DDX18: variants seen among roughly 807,000 people sequenced by gnomAD.
DDX18 encodes the protein ATP-dependent RNA helicase DDX18.
A neutral mutation model predicts 73.5 loss-of-function variants in DDX18; 23 were observed. That is an observed-to-expected ratio of 0.31 (90% CI 0.23 to 0.44). The LOEUF (loss-of-function observed/expected upper bound fraction) is 0.44, where lower values mean the gene tolerates loss of function less well. Among genes scored for constraint, DDX18 ranks in the 20% least tolerant of loss-of-function variants. The pLI is 1.00. For synonymous variants in DDX18, 268 were observed against 282.7 expected (o/e 0.95, Z 0.52); for missense variants, 753 against 792.9 (o/e 0.95, Z 0.60).
intron 1 of DDX18, among the ~76,000 whole-genome samples, chr2:117,815,443 C>T (rs1679741990): frequency 6.6e-6 from 1 of 152,132 alleles, no homozygotes; most frequent in African/African-American, 2.4e-5. Context: ...TGAATGTCAC[C>T]TTTCTTACCT....
chr2:117,824,649 C>T lies in DDX18; in HGVS notation c.1147C>T (p.Pro383Ser). ...GGCAAGGATTTCTCTGAAAAAGGAG[C>T]CATTGTATGTTGGCGTTGATGATGA... is the stretch of plus-strand genomic sequence containing the variant. Reference protein sequence around the residue: ...DLARISLKKEPLYVGVDDDKA... With the variant: ...DLARISLKKESLYVGVDDDKA... Residue 383 changes from proline to serine, a missense_variant, in exon 8 of 14, where the codon CCA becomes TCA. Pro to Ser is a moderately conservative substitution (Grantham distance 74, BLOSUM62 -1). Coordinates refer to ENST00000263239, the MANE Select transcript of DDX18 (RefSeq NM_006773.4). 2 of 1,493,248 alleles carry T rather than the reference C, an allele frequency of 1.3e-6. No homozygotes were observed. Among genetic ancestry groups the T allele is most frequent in the Non-Finnish European group, 1.8e-6 (2 of 1,123,720 alleles). The allele number at this position is 1,493,248 out of a possible 1,614,324, so 92.5% of individuals were successfully genotyped here. A position where few individuals can be genotyped will look rare whatever the true frequency, so the allele number is the denominator to read the frequency against.
At chr2:117,820,593 C>T (rs747669966) in intron 3 of DDX18, among the ~76,000 whole-genome samples, 1 of 152,180 alleles carries the variant, frequency 6.6e-6, no homozygotes. Flanking sequence ...TCAGCAATGC[C>T]AAGGTCAAGA....
Position 117,822,019 on chromosome 2 carries a change from C to T in DDX18, c.909C>T (p.Asn303=). 1 of 1,614,014 alleles carries T rather than the reference C, an allele frequency of 6.2e-7. No homozygotes were observed. The highest frequency in any genetic ancestry group is 8.5e-7 in the Non-Finnish European group (1 of 1,179,960). Residue 303 remains asparagine (N), a synonymous_variant, in exon 6 of 14, where the codon AAC becomes AAT. Transcript: ENST00000263239. ...CACAGAAACTTGGTAATGGGATCAACATCATTGTGGCCACACCAGGCCGTC... is the reference window on the plus strand; with the variant it reads ...CACAGAAACTTGGTAATGGGATCAATATCATTGTGGCCACACCAGGCCGTC... ...AEAQKLGNGI[N]IIVATPGRLL...
chr2:117,829,146 C>G (rs1679980043), intron 12 of DDX18, 141 bp downstream of exon 12: 1 of 1,134,846 alleles, frequency 8.8e-7, no homozygotes, highest in African/African-American at 1.6e-5. Context: ...TATAAGGTTT[C>G]TTGCTATTCT....
intron 10 of DDX18, 86 bp downstream of exon 10, chr2:117,825,685 C>T: frequency 6.7e-7 from 1 of 1,494,958 alleles, no homozygotes; most frequent in Non-Finnish European, 9.2e-7. Context: ...AAACTGCATT[C>T]CACATTCAAG....
rs1292389642 is a variant in DDX18 at position 117,824,940 on chromosome 2, G to A, written c.1207G>A (p.Gly403Arg). Reference protein sequence around the residue: ...ANATVDGLEQGYVVCPSEKRF... With the variant: ...ANATVDGLEQRYVVCPSEKRF... The stretch of plus-strand genomic sequence containing the variant: ...ATCTGTCTGCTTAAACGCTTTCTAG[G>A]GATATGTTGTTTGTCCTTCTGAAAA... Residue 403 changes from glycine (G) to arginine (R), a missense_variant and splice_region_variant, in exon 9 of 14, where the codon GGA becomes AGA. This residue lies in a region of DDX18 where 402 missense variants were observed against 419.4 expected (regional missense o/e 0.96). Transcript: ENST00000263239. The A allele has an allele frequency of 6.9e-6, 11 of 1,603,248 alleles. No homozygotes were observed. The East Asian group carries it at 1.3e-4, about 20-fold the overall frequency.
chr2:117,822,006 G>T lies in DDX18; in HGVS notation c.896G>T (p.Gly299Val). 1 of 1,614,024 alleles carries T rather than the reference G, an allele frequency of 6.2e-7. No individual in the cohort carries two copies. The highest frequency in any genetic ancestry group is 8.5e-7 in the Non-Finnish European group (1 of 1,179,948). Residue 299 changes from glycine (G) to valine (V), a missense_variant, in exon 6 of 14, where the codon GGT (glycine) becomes GTT (valine). Around this residue, in one of 3 missense-constraint regions of DDX18, gnomAD observed 345 missense variants for 352.0 expected, o/e 0.98. Coordinates refer to ENST00000263239, the MANE Select transcript of DDX18 (RefSeq NM_006773.4). The stretch of plus-strand genomic sequence containing the variant: ...AGATCTGCTGAAGCACAGAAACTTG[G>T]TAATGGGATCAACATCATTGTGGCC... ...SNRSAEAQKL[G>V]NGINIIVATP...
rs769961163 is a variant in DDX18 at position 117,825,410 on chromosome 2, G to C, written c.1369-37G>C. On this transcript the variant is annotated intron_variant, in intron 9 of 13. Coordinates refer to ENST00000263239, the MANE Select transcript of DDX18 (RefSeq NM_006773.4). Reference sequence around the variant, plus strand: ...GGGTTCTACTGCTAGTCTTCCTCAAGATTCCAGCTCTAATGGATGTTTTTA... The same window carrying C: ...GGGTTCTACTGCTAGTCTTCCTCAACATTCCAGCTCTAATGGATGTTTTTA... The C allele has an allele frequency of 4.4e-6, 7 of 1,594,000 alleles. No homozygotes were observed. In the African/African-American group the frequency reaches 9.4e-5, roughly 21 times the overall value.
chr2:117,826,372 A>G lies in DDX18; in HGVS notation c.1625A>G (p.Lys542Arg). Residue 542 changes from lysine to arginine, a missense_variant, in exon 11 of 14, where the codon AAA becomes AGA. Transcript: ENST00000263239. ...GAATTGGGTTTTCTTCGCTACTTGA[A>G]ACAATCCAAGGTAAAGATCTGTACT... The part of the protein sequence containing the change: ...PEELGFLRYL[K>R]QSKVPLSEFD... 1 of 1,613,720 alleles carries G rather than the reference A, an allele frequency of 6.2e-7. No individual in the cohort carries two copies. Among genetic ancestry groups the G allele is most frequent in the East Asian group, 2.2e-5 (1 of 44,868 alleles).
intron 2 of DDX18, among the ~76,000 whole-genome samples, chr2:117,818,612 G>A (rs6542396): frequency 0.34 from 52,334 of 152,018 alleles, 9,809 homozygotes; most frequent in African/African-American, 0.48. Context: ...CCCAGGAAGT[G>A]GTATTATTTC....
At chr2:117,829,701 C>T (rs969457235) in intron 13 of DDX18, among the ~76,000 whole-genome samples, 3 of 152,078 alleles carry the variant, frequency 2.0e-5, no homozygotes, top group Non-Finnish European at 4.4e-5. Flanking sequence ...ATGCCTTGAG[C>T]CTTCAAAAGA....
intron 2 of DDX18, among the ~76,000 whole-genome samples, chr2:117,818,288 C>G (rs915361495): frequency 6.6e-6 from 1 of 152,122 alleles, no homozygotes; most frequent in African/African-American, 2.4e-5. Flanking sequence ...AGCAAACTAT[C>G]CCTCCTTCTA....
chr2:117,826,254 C>T lies in DDX18; in HGVS notation c.1522-15C>T. The T allele has an allele frequency of 6.2e-7, 1 of 1,609,240 alleles. No homozygotes were observed. Among genetic ancestry groups the T allele is most frequent in the African/African-American group, 1.3e-5 (1 of 74,846 alleles). On this transcript the variant is annotated splice_polypyrimidine_tract_variant and intron_variant, in intron 10 of 13. Coordinates refer to ENST00000263239, the MANE Select transcript of DDX18 (RefSeq NM_006773.4). ...AAGTCACTGCGTTAACTCAGATTTT[C>T]TTTCTCCACCAAAGGAATATATTCA...
intron 10 of DDX18, chr2:117,826,063 G>A (rs993384710): frequency 4.0e-5 from 1 of 24,764 alleles, no homozygotes; most frequent in African/African-American, 1.3e-4. Flanking sequence ...TTTTTTTTTT[G>A]GGCCTCAATC....
Position 117,830,670 on chromosome 2 carries a change from A to T in DDX18, c.1959A>T (p.Lys653Asn). ...AAACCAAGAAAGTTGAGAAATCCAA[A>T]ATCTTTAAACACATTAGCAAGAAAT... is the stretch of plus-strand genomic sequence containing the variant. ...YQKTKKVEKS[K>N]IFKHISKKSS... is the part of the protein sequence containing the mutation. The change falls in exon 14 of 14, where the codon AAA becomes AAT. Residue 653 changes from lysine to asparagine, a missense_variant. Around this residue, in one of 3 missense-constraint regions of DDX18, gnomAD observed 402 missense variants for 419.4 expected, o/e 0.96. Transcript: ENST00000263239. The T allele has an allele frequency of 6.2e-7, 1 of 1,613,842 alleles. No individual in the cohort carries two copies.
intron 7 of DDX18, among the ~76,000 whole-genome samples, chr2:117,823,196 T>G (rs1209665794): frequency 1.3e-5 from 2 of 152,194 alleles, no homozygotes; most frequent in African/African-American, 2.4e-5. Context: ...AGAATTGGTT[T>G]GTCAGTTTCT....
chr2:117,825,253 G>A, intron 9 of DDX18, 152 bp downstream of exon 9: 1 of 1,205,028 alleles, frequency 8.3e-7, no homozygotes, highest in Non-Finnish European at 1.2e-6. Context: ...AGCGCTGCTG[G>A]GTGTGGAGGG....
intron 10 of DDX18, 117 bp downstream of exon 10, chr2:117,825,716 G>A (rs1448670912): frequency 3.3e-6 from 4 of 1,205,828 alleles, no homozygotes; most frequent in Admixed American, 4.5e-5. Flanking sequence ...CTACTATACA[G>A]TGACTGCAGT....
Position 117,825,016 on chromosome 2 carries a change from T to G in DDX18, c.1283T>G (p.Leu428Arg). 6.2e-7 allele frequency: 1 copy of G among 1,614,016 alleles called. No homozygotes were observed. The highest frequency in any genetic ancestry group is 1.1e-5 in the South Asian group (1 of 91,070). Residue 428 changes from leucine to arginine, a missense_variant, in exon 9 of 14, where the codon CTT becomes CGT. Leu to Arg is a moderately radical substitution (Grantham distance 102). Around this residue, in one of 3 missense-constraint regions of DDX18, gnomAD observed 402 missense variants for 419.4 expected, o/e 0.96. Transcript: ENST00000263239. ...TFLKKNRKKK[L>R]MVFFSSCMSV... ...CTTAAGAAGAACCGAAAGAAGAAGCTTATGGTCTTCTTTTCATCTTGTATG... is the reference window on the plus strand; with the variant it reads ...CTTAAGAAGAACCGAAAGAAGAAGCGTATGGTCTTCTTTTCATCTTGTATG...
Sources: gnomAD v4.1 joint callset for allele counts (sites outside exome capture counted in the v4.1 genomes callset) on GRCh38, gnomAD v4.1.1 for gene constraint, gnomAD v4.1.1 regional missense constraint, MANE v1.5 for transcripts, NCBI Gene and HGNC (gene_info 2026-07-23, HGNC 2026-07-21) for gene names.